The following KIF6 variants were observed in gnomAD, a reference collection of about 807,000 sequenced individuals.
KIF6 encodes the protein kinesin family member 6, also known as kinesin-like protein KIF6.
A neutral mutation model predicts 112.7 loss-of-function variants in KIF6; 106 were observed. The ratio of observed to expected loss-of-function variants is 0.94; its 90% CI spans 0.80 to 1.11. The LOEUF is 1.11. Among genes scored for constraint, KIF6 ranks in the 50% least tolerant of loss-of-function variants. The pLI, the probability that KIF6 is intolerant of heterozygous loss-of-function variation, is 0.00. For missense variants in KIF6, 929 were observed against 964.0 expected, an observed-to-expected ratio of 0.96 and a Z score of 0.48; for synonymous variants, 339 against 339.9, an observed-to-expected ratio of 1.00 and a Z score of 0.03.
intron 13 of KIF6, among the ~76,000 whole-genome samples, chr6:39,505,843 C>G (rs1053853600): frequency 5.3e-5 from 8 of 152,056 alleles, no homozygotes; most frequent in African/African-American, 1.7e-4. Flanking sequence ...TATCAAAAAG[C>G]CAAAAAACAA....
At chr6:39,719,794 A>T (rs551403087) in intron 2 of KIF6, among the ~76,000 whole-genome samples, 2 of 152,308 alleles carry the variant, frequency 1.3e-5, no homozygotes, top group East Asian at 3.9e-4. Context: ...TATGTAATTT[A>T]AAATTTTCTA....
chr6:39,356,894 T>C (rs1248769636), intron 19 of KIF6, among the ~76,000 whole-genome samples: 1 of 152,100 alleles, frequency 6.6e-6, no homozygotes, highest in Non-Finnish European at 1.5e-5. Context: ...CTCCCCTGTG[T>C]CTCAGTAGGC....
intron 10 of KIF6, among the ~76,000 whole-genome samples, chr6:39,569,404 A>G (rs1277435125): frequency 6.6e-6 from 1 of 152,218 alleles, no homozygotes; most frequent in Non-Finnish European, 1.5e-5. Flanking sequence ...TATATATCAA[A>G]TTATATGAGA....
intron 6 of KIF6, among the ~76,000 whole-genome samples, chr6:39,600,872 C>T (rs1782529724): frequency 6.6e-6 from 1 of 152,112 alleles, no homozygotes; most frequent in Admixed American, 6.6e-5. Flanking sequence ...TAAAAGCTTA[C>T]TAGTGTTATA....
intron 22 of KIF6, among the ~76,000 whole-genome samples, chr6:39,339,007 C>T (rs892805517): frequency 1.3e-5 from 2 of 152,064 alleles, no homozygotes; most frequent in Admixed American, 6.6e-5. Flanking sequence ...GCACGCTCTG[C>T]CCCAAGACAT....
intron 3 of KIF6, chr6:39,690,432 T>C (rs961328438): frequency 1.3e-5 from 2 of 151,854 alleles, no homozygotes; most frequent in Non-Finnish European, 2.9e-5. Flanking sequence ...AAGAGTAGAA[T>C]TGGTACAATA....
chr6:39,692,206 C>T (rs187435482), intron 3 of KIF6, among the ~76,000 whole-genome samples: 2 of 152,260 alleles, frequency 1.3e-5, no homozygotes, highest in Admixed American at 6.5e-5. Context: ...TTACTGTGTA[C>T]AGAAAAAACG....
At chr6:39,707,458 A>G (rs1355880369) in intron 3 of KIF6, among the ~76,000 whole-genome samples, 1 of 152,208 alleles carries the variant, frequency 6.6e-6, no homozygotes, top group African/African-American at 2.4e-5. Context: ...CCAGCATCCA[A>G]TCTGGGCAGG....
chr6:39,586,554 T>C (rs1364325794), intron 7 of KIF6, 150 bp from the exon 8 acceptor site: 1 of 632,432 alleles, frequency 1.6e-6, no homozygotes, highest in Non-Finnish European at 2.8e-6. Context: ...ATAAATATCT[T>C]GACAACAATA....
In KIF6 at chr6:39,596,043, G is replaced by T; in HGVS notation, c.846+11C>A. Reference sequence around the variant, plus strand: ...TATAGTTATTAATACATCCCACTCTGCCCATTTTACCTGTTCTAAGTAATG... The same window carrying T: ...TATAGTTATTAATACATCCCACTCTTCCCATTTTACCTGTTCTAAGTAATG... On this transcript the variant is annotated intron_variant, in intron 7 of 22. Transcript: ENST00000287152. The T allele has an allele frequency of 6.2e-7, 1 of 1,604,666 alleles. No individual in the cohort carries two copies. Among genetic ancestry groups the T allele is most frequent in the Non-Finnish European group, 8.5e-7 (1 of 1,171,578 alleles).
chr6:39,510,850 G>C (rs1452335130), intron 13 of KIF6, among the ~76,000 whole-genome samples: 1 of 67,696 alleles, frequency 1.5e-5, no homozygotes, highest in East Asian at 4.8e-4. Context: ...GATGGAAGAA[G>C]ATCTACCAAG....
rs376582148 is a variant in KIF6 at position 39,364,832 on chromosome 6, AC to A, written c.1862-2315del. On this transcript the variant is annotated intron_variant, in intron 16 of 22. Coordinates refer to ENST00000287152, the MANE Select transcript of KIF6 (RefSeq NM_145027.6). ...ACTAAATAGCAGAGCTGGGATGTGAACCCATTTGTTTTTTTCTGATTCCAAG... is the reference window on the plus strand; with the variant it reads ...ACTAAATAGCAGAGCTGGGATGTGAACCATTTGTTTTTTTCTGATTCCAAG... Among the ~76,000 whole-genome samples, 429 of 152,256 alleles carry A rather than the reference AC, an allele frequency of 2.8e-3. 1 individual carries two copies. The highest frequency in any genetic ancestry group is 9.2e-3 in the African/African-American group (381 of 41,548).
chr6:39,698,851 C>T (rs1399653857), intron 3 of KIF6, among the ~76,000 whole-genome samples: 2 of 152,094 alleles, frequency 1.3e-5, no homozygotes, highest in Non-Finnish European at 2.9e-5. Context: ...CAGTGCATGG[C>T]TCTATAATGG....
intron 15 of KIF6, among the ~76,000 whole-genome samples, chr6:39,403,275 G>A (rs1463508378): frequency 6.6e-6 from 1 of 152,146 alleles, no homozygotes; most frequent in African/African-American, 2.4e-5. Flanking sequence ...ACCTTCAAAA[G>A]CAGGATCCCC....
In KIF6 at chr6:39,658,020, CA is replaced by C. The variant is rs374112164; in HGVS notation, c.252-18264del. Among the ~76,000 whole-genome samples the C allele has an allele frequency of 2.1e-3, 323 of 152,270 alleles. 1 individual carries two copies. Among genetic ancestry groups the C allele is most frequent in the African/African-American group, 7.1e-3 (296 of 41,550 alleles). On this transcript the variant is annotated intron_variant, in intron 3 of 22. Transcript: ENST00000287152. ...GACTTGTGCATATACATAAAACACA[CA>C]AAATTCCATTAGTACAACATTAAAG...
At chr6:39,336,801 T>TTTTCTTTC (rs56693059) in intron 22 of KIF6, among the ~76,000 whole-genome samples, 58,249 of 150,686 alleles carry the variant, frequency 0.39, 12,834 homozygotes, top group African/African-American at 0.62. Context: ...TTTTCTTTCC[T>TTTTCTTTC]TTTCTTTCTT....
chr6:39,457,278 C>T (rs1773185377), intron 13 of KIF6, among the ~76,000 whole-genome samples: 1 of 149,662 alleles, frequency 6.7e-6, no homozygotes, highest in African/African-American at 2.5e-5. Flanking sequence ...CTACTGGGTA[C>T]ATAACGAAAT....
chr6:39,623,948 C>A (rs1783956301), intron 5 of KIF6, among the ~76,000 whole-genome samples: 2 of 152,286 alleles, frequency 1.3e-5, no homozygotes, highest in South Asian at 4.1e-4. Context: ...CCCACCTCAG[C>A]AGCACTGTCA....
chr6:39,458,663 C>A (rs1409429900), intron 13 of KIF6, among the ~76,000 whole-genome samples: 1 of 132,342 alleles, frequency 7.6e-6, no homozygotes, highest in Non-Finnish European at 1.6e-5. Flanking sequence ...TGATAAGCAA[C>A]TTCAGCAAAG....
Sources: gnomAD v4.1 joint callset for allele counts (sites outside exome capture counted in the v4.1 genomes callset) on GRCh38, gnomAD v4.1.1 for gene constraint, MANE v1.5 for transcripts, NCBI Gene and HGNC (gene_info 2026-07-23, HGNC 2026-07-21) for gene names.